The following PUS7 variants were observed in gnomAD, a reference collection of about 807,000 sequenced individuals.
PUS7 encodes pseudouridine synthase 7.
Under a neutral mutation model 79.8 loss-of-function variants are expected in PUS7, and 48 were observed. The observed-to-expected ratio is 0.60, with a 90% CI of 0.48 to 0.76. PUS7 has a LOEUF of 0.76. Among genes scored for constraint, PUS7 ranks in the 30% least tolerant of loss-of-function variants. The pLI is 0.00. For missense variants in PUS7, 729 were observed against 797.6 expected, an observed-to-expected ratio of 0.91 and a Z score of 1.04; for synonymous variants, 286 against 272.2, an observed-to-expected ratio of 1.05 and a Z score of -0.50.
intron 5 of PUS7, chr7:105,497,028 A>T: frequency 8.7e-7 from 1 of 1,145,212 alleles, no homozygotes; most frequent in Non-Finnish European, 1.1e-6. Flanking sequence ...TTATAATATT[A>T]AAGTGCTTTA....
intron 1 of PUS7, among the ~76,000 whole-genome samples, chr7:105,519,587 G>A (rs531481754): frequency 1.7e-4 from 26 of 152,270 alleles, no homozygotes; most frequent in Non-Finnish European, 2.4e-4. Context: ...AAGTCTATGA[G>A]GGTCATTCAT....
At chr7:105,492,079 A>C (rs943373898) in intron 6 of PUS7, among the ~76,000 whole-genome samples, 5 of 151,724 alleles carry the variant, frequency 3.3e-5, no homozygotes, top group African/African-American at 7.3e-5. Context: ...AAATCTACTA[A>C]AACAACATAA....
chr7:105,458,707 G>A (rs1419998205), intron 15 of PUS7, among the ~76,000 whole-genome samples: 3 of 151,252 alleles, frequency 2.0e-5, no homozygotes, highest in African/African-American at 7.3e-5. Context: ...CCAAGTAGCT[G>A]GGACTACAGG....
intron 8 of PUS7, among the ~76,000 whole-genome samples, chr7:105,481,793 C>T (rs371112623): frequency 6.6e-6 from 1 of 150,710 alleles, no homozygotes; most frequent in Non-Finnish European, 1.5e-5. Flanking sequence ...TGCAGTGGAG[C>T]GATCTCGGCT....
At chr7:105,521,931 G>C (rs1826135676) in intron 1 of PUS7, 121 bp downstream of exon 1, 1 of 152,568 alleles carries the variant, frequency 6.6e-6, no homozygotes, top group Admixed American at 6.5e-5. Flanking sequence ...CCACTGCGGG[G>C]CCGCCTTCCC....
Position 105,508,871 on chromosome 7 carries a change from T to TAAAAAAAAAAAAAAAAAAA in PUS7, c.-32-346_-32-328dup, listed in dbSNP as rs34249093. The stretch of plus-strand genomic sequence containing the variant: ...TGGGCGACAGAGTGAGACATTGTCT[T>TAAAAAAAAAAAAAAAAAAA]AAAAAAAAAAAAAAAAAAAAAAAAA... On this transcript the variant is annotated intron_variant, in intron 1 of 15. Coordinates refer to ENST00000469408, the MANE Select transcript of PUS7 (RefSeq NM_019042.5). 2.2e-4 allele frequency among the ~76,000 whole-genome samples: 5 copies of TAAAAAAAAAAAAAAAAAAA among 22,926 alleles called. 1 individual carries two copies. Among genetic ancestry groups the TAAAAAAAAAAAAAAAAAAA allele is most frequent in the Non-Finnish European group, 3.2e-4 (4 of 12,518 alleles). The allele number at this position is 22,926 out of a possible 152,430, so 15.0% of individuals were successfully genotyped here.
At chr7:105,497,039 G>A in intron 5 of PUS7, 1 of 1,082,570 alleles carries the variant, frequency 9.2e-7, no homozygotes. Flanking sequence ...AAGTGCTTTA[G>A]AGGTGAACAT....
intron 15 of PUS7, 147 bp from the exon 16 acceptor site, chr7:105,458,073 G>C (rs1375672798): frequency 2.3e-6 from 2 of 855,272 alleles, no homozygotes; most frequent in African/African-American, 1.7e-5. Flanking sequence ...TGAGACCATG[G>C]AAGTAAGAGA....
At chr7:105,495,755 T>C (rs542333677) in intron 5 of PUS7, among the ~76,000 whole-genome samples, 1 of 151,744 alleles carries the variant, frequency 6.6e-6, no homozygotes, top group Admixed American at 6.6e-5. Context: ...AAAAAATAAA[T>C]AAAAGAAAAA....
intron 11 of PUS7, among the ~76,000 whole-genome samples, chr7:105,469,617 G>A (rs1235151360): frequency 6.6e-6 from 1 of 152,094 alleles, no homozygotes; most frequent in Non-Finnish European, 1.5e-5. Flanking sequence ...CTGCCACCAC[G>A]CCTGGCTATT....
chr7:105,460,174 G>A (rs1053310525), intron 14 of PUS7, among the ~76,000 whole-genome samples: 4 of 152,070 alleles, frequency 2.6e-5, no homozygotes, highest in African/African-American at 4.8e-5. Context: ...TCCTGAGCTC[G>A]TGATCTGCCC....
At chr7:105,515,076 G>A (rs991338797) in intron 1 of PUS7, among the ~76,000 whole-genome samples, 1 of 152,174 alleles carries the variant, frequency 6.6e-6, no homozygotes, top group Non-Finnish European at 1.5e-5. Flanking sequence ...TTACAGGCGT[G>A]AGCCACCGCG....
intron 1 of PUS7, among the ~76,000 whole-genome samples, chr7:105,513,475 T>C (rs1442959039): frequency 6.6e-6 from 1 of 152,246 alleles, no homozygotes; most frequent in Non-Finnish European, 1.5e-5. Flanking sequence ...TATGATGACT[T>C]GGCCAAAGGT....
At chr7:105,506,382 T>C (rs892129991) in intron 2 of PUS7, 109 bp from the exon 3 acceptor site, 1 of 769,056 alleles carries the variant, frequency 1.3e-6, no homozygotes, top group Non-Finnish European at 2.1e-6. Context: ...ACAAGGAATT[T>C]TAAAAAATCT....
At chr7:105,496,257 A>AGAGAGAGAGAGAGT (rs747414006) in intron 5 of PUS7, among the ~76,000 whole-genome samples, 1 of 4,584 alleles carries the variant, frequency 2.2e-4, no homozygotes, top group Non-Finnish European at 6.7e-4. Flanking sequence ...AGAGAGAGGG[A>AGAGAGAGAGAGAGT]GAGACACATA....
At chr7:105,484,855 A>AT (rs1172322541) in intron 7 of PUS7, among the ~76,000 whole-genome samples, 2,991 of 116,808 alleles carry the variant, frequency 0.026, 99 homozygotes, top group African/African-American at 0.07. Flanking sequence ...CCAGTCAGAG[A>AT]TTTTTTTTTT....
intron 11 of PUS7, among the ~76,000 whole-genome samples, chr7:105,469,707 G>A (rs1823796214): frequency 6.6e-6 from 1 of 152,178 alleles, no homozygotes; most frequent in African/African-American, 2.4e-5. Context: ...AGATCCACCT[G>A]CGTTGGCCTC....
At chr7:105,487,906 G>A (rs1824619890) in intron 7 of PUS7, among the ~76,000 whole-genome samples, 1 of 152,182 alleles carries the variant, frequency 6.6e-6, no homozygotes, top group African/African-American at 2.4e-5. Flanking sequence ...CTTATCCCCA[G>A]GACCGATCAA....
intron 1 of PUS7, among the ~76,000 whole-genome samples, chr7:105,514,502 G>A (rs1410791835): frequency 2.0e-5 from 3 of 150,018 alleles, no homozygotes; most frequent in Non-Finnish European, 4.4e-5. Context: ...TACTCAGGAG[G>A]CTGAGGCAGG....
Sources: allele counts gnomAD v4.1 joint callset (sites outside exome capture counted in the v4.1 genomes callset), GRCh38; gene constraint gnomAD v4.1.1; transcripts MANE v1.5; gene names NCBI Gene and HGNC (gene_info 2026-07-23, HGNC 2026-07-21).